Variants in UBLCP1 observed in about 807,000 individuals in gnomAD.
UBLCP1 encodes the protein ubiquitin-like domain-containing CTD phosphatase 1.
In UBLCP1, 28 loss-of-function variants were observed where a neutral mutation model predicts 42.4. The ratio of observed to expected loss-of-function variants is 0.66; its 90% confidence interval spans 0.49 to 0.90. The LOEUF (loss-of-function observed/expected upper bound fraction) is 0.90. UBLCP1 is among the 40% of genes least tolerant of loss of function. The pLI is 0.00. For synonymous variants in UBLCP1, 122 were observed against 120.8 expected (o/e 1.01, Z -0.07); for missense variants, 279 against 374.5 (o/e 0.75, Z 2.10).
intron 9 of UBLCP1, among the ~76,000 whole-genome samples, chr5:159,281,877 T>G (rs939823413): frequency 1.4e-5 from 2 of 148,056 alleles, no homozygotes; most frequent in African/African-American, 5.0e-5. Flanking sequence ...AAAAAAAAAC[T>G]AATGACCAAT....
chr5:159,272,862 G>A (rs964281284), intron 6 of UBLCP1, among the ~76,000 whole-genome samples: 1 of 152,096 alleles, frequency 6.6e-6, no homozygotes. Flanking sequence ...TTCAATTAAC[G>A]TTTTTTGGTA....
chr5:159,272,034 T>C lies in UBLCP1; in HGVS notation c.460T>C (p.Cys154Arg). Residue 154 changes from cysteine (C) to arginine (R), a missense_variant, in exon 6 of 11, where the codon TGT becomes CGT. By Grantham distance (180) the Cys-to-Arg change is radical. Transcript: ENST00000296786. ...VDYTLFDHRS[C>R]AETGVELMRP... The stretch of plus-strand genomic sequence containing the variant: ...CAATTTTCTTTTAGACCACAGGTCT[T>C]GTGCAGAGACTGGGGTAGAATTAAT... 6.2e-7 allele frequency: 1 copy of C among 1,613,112 alleles called. No individual in the cohort carries two copies. The highest frequency in any genetic ancestry group is 1.7e-5 in the Admixed American group (1 of 60,020).
In UBLCP1 at chr5:159,278,448, G is replaced by A. The variant is rs1753564582; in HGVS notation, c.801+94G>A. ...CACTGTTGAATTTCATATATTTTTG[G>A]AAGTACTGTATTCTTATGTCATAGG... On this transcript the variant is annotated intron_variant, in intron 9 of 10. Coordinates refer to ENST00000296786, the MANE Select transcript of UBLCP1 (RefSeq NM_145049.5). 8 of 871,754 alleles carry A rather than the reference G, an allele frequency of 9.2e-6. No homozygotes were observed. In the South Asian group the frequency reaches 1.1e-4, roughly 12 times the overall value. 54.0% of individuals were successfully genotyped at this position (871,754 alleles called of 1,614,324 possible).
At position 159,275,259 on chromosome 5, in the gene UBLCP1, T is replaced by G. The variant is rs116809007; in HGVS notation, c.684+13T>G. 1.1e-3 allele frequency: 1,752 copies of G among 1,589,898 alleles called. 21 individuals are homozygous for G. The African/African-American group carries it at 0.021, about 19-fold the overall frequency. On this transcript the variant is annotated intron_variant, in intron 8 of 10. Transcript: ENST00000296786. ...AGGATTAATAGACGTAAGAAGTCAT[T>G]TTATTTCTATTTAATGACACCATGG...
intron 9 of UBLCP1, 86 bp from the exon 10 acceptor site, chr5:159,283,126 A>C: frequency 7.3e-7 from 1 of 1,363,148 alleles, no homozygotes; most frequent in Non-Finnish European, 1.0e-6. Context: ...TTTTAACCTC[A>C]TTAACTCTAA....
At chr5:159,280,554 C>T (rs1380391636) in intron 9 of UBLCP1, among the ~76,000 whole-genome samples, 5 of 152,198 alleles carry the variant, frequency 3.3e-5, no homozygotes, top group Admixed American at 2.0e-4. Flanking sequence ...CCACCTATCT[C>T]GGCCTCTCAA....
At chr5:159,279,915 TAA>T (rs35531577) in intron 9 of UBLCP1, among the ~76,000 whole-genome samples, 2 of 149,434 alleles carry the variant, frequency 1.3e-5, no homozygotes, top group African/African-American at 2.4e-5. Context: ...CGTTTAACTT[TAA>T]AAAAAAAAAT....
intron 6 of UBLCP1, among the ~76,000 whole-genome samples, chr5:159,274,168 T>G (rs957471300): frequency 1.3e-5 from 2 of 152,118 alleles, no homozygotes; most frequent in East Asian, 3.8e-4. Context: ...TTTTGACACA[T>G]AACAATATGC....
chr5:159,278,642 G>A lies in UBLCP1; in HGVS notation c.801+288G>A, dbSNP rs563902732. Among the ~76,000 whole-genome samples the A allele has an allele frequency of 3.9e-5, 6 of 151,940 alleles. No individual in the cohort carries two copies. In the South Asian group the frequency reaches 8.3e-4, roughly 21 times the overall value. ...GGCTAGAGTGTGGTGGTGCGATCTC[G>A]GCTCGCTGCAATCTCCACCTCCTGG... On this transcript the variant is annotated intron_variant, in intron 9 of 10. Transcript: ENST00000296786.
rs1753430916 is a variant in UBLCP1 at position 159,268,943 on chromosome 5, G to A, written c.28G>A (p.Gly10Ser). The A allele has an allele frequency of 2.5e-6, 4 of 1,609,352 alleles. No homozygotes were observed. The South Asian group carries it at 4.5e-5, about 18-fold the overall frequency. The stretch of plus-strand genomic sequence containing the variant: ...GGCTCTCCCTATCATTGTAAAATGG[G>A]GTGGACAGGAGTATTCAGTGACCAC... MALPIIVKW[G>S]GQEYSVTTLS... The change falls in exon 2 of 11, where the codon GGT becomes AGT. Residue 10 changes from glycine (G) to serine (S), a missense_variant. Coordinates refer to ENST00000296786, the MANE Select transcript of UBLCP1 (RefSeq NM_145049.5).
chr5:159,285,189 C>G lies in UBLCP1; in HGVS notation c.*258C>G, dbSNP rs1753657574. 1 of 385,812 alleles carries G rather than the reference C, an allele frequency of 2.6e-6. No individual in the cohort carries two copies. The highest frequency in any genetic ancestry group is 4.8e-6 in the Non-Finnish European group (1 of 209,586). 23.9% of individuals were successfully genotyped at this position (385,812 alleles called of 1,614,324 possible). ...CAGCGTTGGTTACTGACCACCCCAC[C>G]CTCCCACCACACACACACACACACA... is the stretch of plus-strand genomic sequence containing the variant. On this transcript the variant is annotated 3_prime_UTR_variant, in exon 11 of 11. Transcript: ENST00000296786.
At chr5:159,275,277 C>A in intron 8 of UBLCP1, 31 bp downstream of exon 8, 1 of 1,546,896 alleles carries the variant, frequency 6.5e-7, no homozygotes, top group Non-Finnish European at 8.9e-7. Flanking sequence ...TATTTAATGA[C>A]ACCATGGTTA....
chr5:159,273,639 C>T (rs1280682864), intron 6 of UBLCP1, among the ~76,000 whole-genome samples: 2 of 152,110 alleles, frequency 1.3e-5, no homozygotes, highest in Non-Finnish European at 1.5e-5. Flanking sequence ...CTGATAATTA[C>T]AGATACAAAG....
At chr5:159,281,283 A>T (rs1753602634) in intron 9 of UBLCP1, among the ~76,000 whole-genome samples, 1 of 152,232 alleles carries the variant, frequency 6.6e-6, no homozygotes, top group South Asian at 2.1e-4. Context: ...TTAATTGCTT[A>T]AAAGTTAATT....
intron 5 of UBLCP1, 82 bp from the exon 6 acceptor site, chr5:159,271,936 GTAATA>G: frequency 1.1e-6 from 1 of 887,820 alleles, no homozygotes; most frequent in Non-Finnish European, 1.7e-6. Flanking sequence ...TTTGCATTTC[GTAATA>G]TATTACATTT....
intron 5 of UBLCP1, among the ~76,000 whole-genome samples, chr5:159,270,904 T>C (rs1218364062): frequency 6.6e-6 from 1 of 150,608 alleles, no homozygotes; most frequent in East Asian, 1.9e-4. Flanking sequence ...CTCCTCTAAA[T>C]CTTTTATTTA....
chr5:159,270,266 C>A, intron 3 of UBLCP1, 94 bp from the exon 4 acceptor site: 1 of 1,087,514 alleles, frequency 9.2e-7, no homozygotes, highest in Non-Finnish European at 1.3e-6. Context: ...GACTCTGGAA[C>A]TCAAATTGTA....
intron 3 of UBLCP1, 26 bp from the exon 4 acceptor site, chr5:159,270,334 G>C (rs753606209): frequency 3.2e-6 from 5 of 1,571,038 alleles, no homozygotes; most frequent in Non-Finnish European, 3.5e-6. Context: ...TAATATGGTA[G>C]AACAAAACTT....
At position 159,284,927 on chromosome 5, in the gene UBLCP1, A is replaced by G. The variant is rs2113325468; in HGVS notation, c.953A>G (p.Gln318Arg). 5 of 1,612,944 alleles carry G rather than the reference A, an allele frequency of 3.1e-6. No homozygotes were observed. The highest frequency in any genetic ancestry group is 3.4e-6 in the Non-Finnish European group (4 of 1,179,268). Residue 318 changes from glutamine to arginine, a missense_variant, in exon 11 of 11, where the codon CAG (glutamine) becomes CGG (arginine). Gln to Arg is a conservative substitution (Grantham distance 43, BLOSUM62 1). Coordinates refer to ENST00000296786, the MANE Select transcript of UBLCP1 (RefSeq NM_145049.5). Reference sequence around the variant, plus strand: ...AGATATCTCTCAAAGAAGCAAGGACAGTAGTTACAAGTTATACTGGCAGTT... The same window carrying G: ...AGATATCTCTCAAAGAAGCAAGGACGGTAGTTACAAGTTATACTGGCAGTT... ...WERYLSKKQGQ is the reference protein window; with the variant it reads ...WERYLSKKQGR
Sources: allele counts gnomAD v4.1 joint callset (sites outside exome capture counted in the v4.1 genomes callset), GRCh38; gene constraint gnomAD v4.1.1; transcripts MANE v1.5; gene names NCBI Gene and HGNC (gene_info 2026-07-23, HGNC 2026-07-21).